The following ASTN1 variants were observed in gnomAD, a reference collection of about 807,000 sequenced individuals.
ASTN1 encodes the protein astrotactin 1.
In ASTN1, 41 loss-of-function variants were observed where a neutral mutation model predicts 140.7. That is an observed-to-expected ratio of 0.29 (90% CI 0.23 to 0.38). The LOEUF (loss-of-function observed/expected upper bound fraction) is 0.38. Ranked by LOEUF, ASTN1 falls within the 10% of genes least tolerant of loss-of-function variation. The pLI, the probability that ASTN1 is intolerant of heterozygous loss-of-function variation, is 1.00. For synonymous variants in ASTN1, 640 were observed against 652.2 expected (o/e 0.98, Z 0.29); for missense variants, 1,479 against 1,678.8 (o/e 0.88, Z 2.08).
At chr1:177,102,703 A>T (rs753918462) in intron 1 of ASTN1, among the ~76,000 whole-genome samples, 22 of 152,246 alleles carry the variant, frequency 1.4e-4, no homozygotes, top group Non-Finnish European at 2.5e-4. Flanking sequence ...TCTTTTATAA[A>T]TGATGGTATC....
At chr1:176,939,663 G>C (rs1262244299) in intron 14 of ASTN1, among the ~76,000 whole-genome samples, 1 of 151,874 alleles carries the variant, frequency 6.6e-6, no homozygotes, top group African/African-American at 2.4e-5. Flanking sequence ...ACACATTTCT[G>C]CTGAATGACT....
chr1:176,993,281 T>C (rs1674277149), intron 8 of ASTN1, among the ~76,000 whole-genome samples: 1 of 152,182 alleles, frequency 6.6e-6, no homozygotes, highest in East Asian at 1.9e-4. Flanking sequence ...GTCCATGTCC[T>C]TAAGGAGTTT....
rs1311609639 is a variant in ASTN1, at chr1:176,978,626, T to G, written c.1524-13389A>C. 2.0e-5 allele frequency among the ~76,000 whole-genome samples: 3 copies of G among 152,010 alleles called. No individual in the cohort carries two copies. The East Asian group carries it at 5.8e-4, about 29-fold the overall frequency. On this transcript the variant is annotated intron_variant, in intron 8 of 22. Transcript: ENST00000361833. ...GTTCCAGAGGATGATTTTATGTGTG[T>G]GGGGGTAAGGGGAGGGTCTAGTGGG...
intron 1 of ASTN1, among the ~76,000 whole-genome samples, chr1:177,152,630 T>G (rs6686716): frequency 0.16 from 23,813 of 152,018 alleles, 3,773 homozygotes; most frequent in African/African-American, 0.41. Flanking sequence ...TCTTAAATAT[T>G]TAATTATTTC....
chr1:177,121,848 A>C lies in ASTN1; in HGVS notation c.283+42546T>G, dbSNP rs952684447. ...TCAGGGAGGTGGGTAACATGTGTCC[A>C]GAGTGAGGCTGAGGAAGTACTAATG... On this transcript the variant is annotated intron_variant, in intron 1 of 22. Transcript: ENST00000361833. Among the ~76,000 whole-genome samples, 4 of 152,190 alleles carry C rather than the reference A, an allele frequency of 2.6e-5. No individual in the cohort carries two copies. In the East Asian group the frequency reaches 5.8e-4, roughly 22 times the overall value.
At chr1:176,981,323 C>A (rs1268939203) in intron 8 of ASTN1, 3 of 149,754 alleles carry the variant, frequency 2.0e-5, no homozygotes, top group African/African-American at 4.9e-5. Flanking sequence ...AACAAGTAAG[C>A]AGATGATTAT....
In ASTN1 at chr1:177,014,810, C is replaced by T. The variant is rs866639170; in HGVS notation, c.1504G>A (p.Glu502Lys). 2.5e-6 allele frequency: 4 copies of T among 1,613,602 alleles called. No individual in the cohort carries two copies. The highest frequency in any genetic ancestry group is 1.7e-5 in the Admixed American group (1 of 59,986). The change falls in exon 8 of 23, where the codon GAA becomes AAA. Residue 502 changes from glutamate (E) to lysine (K), a missense_variant. Transcript: ENST00000361833. Reference sequence around the variant, plus strand: ...ACTTACCCCTGGTTTGTCCCCCATTCGTTCCGAATGCAAAGGTGCTTATGT... The same window carrying T: ...ACTTACCCCTGGTTTGTCCCCCATTTGTTCCGAATGCAAAGGTGCTTATGT... ...PVHKHLCIRN[E>K]WGTNQGPWPY...
At chr1:177,125,504 C>G (rs968920789) in intron 1 of ASTN1, among the ~76,000 whole-genome samples, 1 of 152,106 alleles carries the variant, frequency 6.6e-6, no homozygotes, top group Admixed American at 6.5e-5. Context: ...GGTTGCTTAC[C>G]TAGATGTAGA....
intron 6 of ASTN1, among the ~76,000 whole-genome samples, chr1:177,024,327 A>G (rs1045526567): frequency 7.2e-5 from 11 of 152,208 alleles, no homozygotes; most frequent in African/African-American, 2.7e-4. Flanking sequence ...TCTCAAAGAC[A>G]GAGACGTATT....
chr1:176,886,244 C>T lies in ASTN1; in HGVS notation c.3075-1754G>A, dbSNP rs1014450234. Among the ~76,000 whole-genome samples, 4 of 152,270 alleles carry T rather than the reference C, an allele frequency of 2.6e-5. No homozygotes were observed. The East Asian group carries it at 5.8e-4, about 22-fold the overall frequency. ...GATCAGTTGTCAAGAAAAGGAAAGTCCTTAATAGACATTTACTGTTTATGA... is the reference window on the plus strand; with the variant it reads ...GATCAGTTGTCAAGAAAAGGAAAGTTCTTAATAGACATTTACTGTTTATGA... On this transcript the variant is annotated intron_variant, in intron 18 of 22. Coordinates refer to ENST00000361833, the MANE Select transcript of ASTN1 (RefSeq NM_004319.3).
chr1:177,029,483 G>A (rs780810413), intron 5 of ASTN1, 151 bp downstream of exon 5: 1 of 813,750 alleles, frequency 1.2e-6, no homozygotes, highest in South Asian at 1.4e-5. Flanking sequence ...TCTTCCTTAG[G>A]AGGAAACACC....
intron 12 of ASTN1, among the ~76,000 whole-genome samples, chr1:176,946,406 A>T (rs969480543): frequency 6.6e-6 from 1 of 152,180 alleles, no homozygotes; most frequent in Non-Finnish European, 1.5e-5. Context: ...CAGTTACCCA[A>T]ATAGGTCAGG....
intron 2 of ASTN1, among the ~76,000 whole-genome samples, chr1:177,051,478 G>T (rs1677541196): frequency 6.6e-6 from 1 of 152,190 alleles, no homozygotes; most frequent in Admixed American, 6.5e-5. Context: ...AGCTTGGATG[G>T]CCTATAAAGC....
At chr1:176,991,436 C>CAAAAAAAAAAAAAAAAAAAAA (rs1173420812) in intron 8 of ASTN1, among the ~76,000 whole-genome samples, 5 of 13,840 alleles carry the variant, frequency 3.6e-4, no homozygotes, top group Middle Eastern at 0.1. Context: ...AAAAAAAAAC[C>CAAAAAAAAAAAAAAAAAAAAA]AAAAAAAAAA....
intron 21 of ASTN1, among the ~76,000 whole-genome samples, chr1:176,876,178 A>C (rs978366723): frequency 6.6e-6 from 1 of 152,230 alleles, no homozygotes; most frequent in Non-Finnish European, 1.5e-5. Flanking sequence ...TCAGATGTAC[A>C]AAAACCTATA....
intron 16 of ASTN1, among the ~76,000 whole-genome samples, chr1:176,901,767 A>T (rs2103047803): frequency 6.6e-6 from 1 of 152,014 alleles, no homozygotes; most frequent in East Asian, 1.9e-4. Context: ...GAGTAAACAC[A>T]CCTTTCTTTG....
chr1:176,951,085 G>A (rs1367261549), intron 11 of ASTN1, among the ~76,000 whole-genome samples: 1 of 152,166 alleles, frequency 6.6e-6, no homozygotes, highest in Admixed American at 6.5e-5. Context: ...CCCCCTGTGG[G>A]CCTGCCAGGC....
intron 2 of ASTN1, among the ~76,000 whole-genome samples, chr1:177,056,615 G>C (rs1677820922): frequency 6.7e-6 from 1 of 149,656 alleles, no homozygotes; most frequent in Admixed American, 6.7e-5. Context: ...TTTTAGAAAG[G>C]CTACTTGCTG....
At chr1:177,090,481 T>A (rs1679697016) in intron 1 of ASTN1, among the ~76,000 whole-genome samples, 2 of 152,196 alleles carry the variant, frequency 1.3e-5, no homozygotes, top group African/African-American at 4.8e-5. Flanking sequence ...TCTGGTAGAG[T>A]GTCTAATGGA....
Sources: gnomAD v4.1 joint callset for allele counts (sites outside exome capture counted in the v4.1 genomes callset) on GRCh38, gnomAD v4.1.1 for gene constraint, MANE v1.5 for transcripts, NCBI Gene and HGNC (gene_info 2026-07-23, HGNC 2026-07-21) for gene names.